ATF7IP2: variants seen among roughly 807,000 people sequenced by gnomAD.
ATF7IP2 encodes the protein activating transcription factor 7 interacting protein 2, also known as activating transcription factor 7-interacting protein 2.
A neutral mutation model predicts 64.2 loss-of-function variants in ATF7IP2; 42 were observed. The ratio of observed to expected loss-of-function variants is 0.65; its 90% CI spans 0.51 to 0.85. The LOEUF (loss-of-function observed/expected upper bound fraction) is 0.85. Ranked by LOEUF, ATF7IP2 falls within the 40% of genes least tolerant of loss-of-function variation. ATF7IP2 has a pLI of 0.00. For synonymous variants in ATF7IP2, 308 were observed against 272.8 expected, an observed-to-expected ratio of 1.13 and a Z score of -1.27; for missense variants, 933 against 784.2, an observed-to-expected ratio of 1.19 and a Z score of -2.27.
At chr16:10,442,357 ATT>A (rs2048656656) in intron 8 of ATF7IP2, among the ~76,000 whole-genome samples, 1 of 152,136 alleles carries the variant, frequency 6.6e-6, no homozygotes, top group Non-Finnish European at 1.5e-5. Flanking sequence ...GTTCTTCTTG[ATT>A]TTCTAGCAGT....
intron 8 of ATF7IP2, chr16:10,448,681 A>T (rs2048889307): frequency 6.6e-6 from 1 of 152,152 alleles, no homozygotes; most frequent in African/African-American, 2.4e-5. Context: ...GGTTTTCTAA[A>T]TATTATTTAG....
chr16:10,396,337 A>G (rs906600364), intron 1 of ATF7IP2, among the ~76,000 whole-genome samples: 4 of 152,126 alleles, frequency 2.6e-5, no homozygotes, highest in African/African-American at 4.8e-5. Context: ...TTGGCTCTTC[A>G]TTCTGTTGAT....
intron 1 of ATF7IP2, among the ~76,000 whole-genome samples, chr16:10,391,927 A>G (rs1201826146): frequency 6.6e-6 from 1 of 152,052 alleles, no homozygotes; most frequent in Non-Finnish European, 1.5e-5. Context: ...GGACAGCACT[A>G]CAGGTATTAC....
At chr16:10,389,546 C>G (rs181742909) in intron 1 of ATF7IP2, among the ~76,000 whole-genome samples, 1 of 151,998 alleles carries the variant, frequency 6.6e-6, no homozygotes, top group African/African-American at 2.4e-5. Flanking sequence ...TCCAACCCAC[C>G]TCCAAAAAAA....
chr16:10,463,554 T>C (rs2049444486), intron 9 of ATF7IP2, among the ~76,000 whole-genome samples: 1 of 152,174 alleles, frequency 6.6e-6, no homozygotes, highest in Admixed American at 6.5e-5. Flanking sequence ...ATCCTGCTAA[T>C]AGCTATGTGA....
intron 8 of ATF7IP2, among the ~76,000 whole-genome samples, chr16:10,450,924 A>G (rs2048964404): frequency 6.6e-6 from 1 of 152,110 alleles, no homozygotes; most frequent in South Asian, 2.1e-4. Flanking sequence ...GGTCTTTACA[A>G]TTTGGTATGT....
intron 8 of ATF7IP2, chr16:10,446,836 A>T (rs2048821728): frequency 6.6e-6 from 1 of 151,836 alleles, no homozygotes; most frequent in African/African-American, 2.4e-5. Context: ...CCCCTATTGG[A>T]AGTTTCTTGC....
intron 2 of ATF7IP2, among the ~76,000 whole-genome samples, chr16:10,416,426 G>A (rs1360982087): frequency 6.6e-6 from 1 of 152,178 alleles, no homozygotes; most frequent in Non-Finnish European, 1.5e-5. Context: ...GAGAATAGAA[G>A]GATGGTTACC....
chr16:10,479,214 CG>C (rs1458009639), intron 12 of ATF7IP2, among the ~76,000 whole-genome samples: 1 of 147,582 alleles, frequency 6.8e-6, no homozygotes, highest in East Asian at 2.0e-4. Context: ...ATGTTTATTG[CG>C]GCACTATTCA....
chr16:10,465,686 C>T (rs1356302433), intron 9 of ATF7IP2, among the ~76,000 whole-genome samples: 1 of 148,784 alleles, frequency 6.7e-6, no homozygotes, highest in Non-Finnish European at 1.5e-5. Flanking sequence ...TTGGCGTCAT[C>T]CGAGATTGCA....
chr16:10,405,732 C>G (rs989413923), intron 1 of ATF7IP2, among the ~76,000 whole-genome samples: 3 of 152,314 alleles, frequency 2.0e-5, no homozygotes, highest in South Asian at 4.1e-4. Flanking sequence ...ACAATTACCC[C>G]AGCCTGTAAG....
intron 9 of ATF7IP2, among the ~76,000 whole-genome samples, chr16:10,463,519 T>C (rs1456709479): frequency 6.6e-6 from 1 of 152,202 alleles, no homozygotes; most frequent in Non-Finnish European, 1.5e-5. Context: ...TCAAGCAATC[T>C]ATGCAGAGCT....
At chr16:10,410,116 G>T (rs73514835) in intron 1 of ATF7IP2, among the ~76,000 whole-genome samples, 2,201 of 152,234 alleles carry the variant, frequency 0.014, 52 homozygotes, top group African/African-American at 0.05. Context: ...GAAGAAGATG[G>T]TGGTATTTTG....
At chr16:10,392,264 A>G (rs1234072163) in intron 1 of ATF7IP2, among the ~76,000 whole-genome samples, 1 of 151,366 alleles carries the variant, frequency 6.6e-6, no homozygotes, top group Admixed American at 6.6e-5. Context: ...GTCTTGAACT[A>G]CTGACCTCAG....
chr16:10,457,828 G>C (rs746995478), intron 9 of ATF7IP2, among the ~76,000 whole-genome samples: 1 of 152,060 alleles, frequency 6.6e-6, no homozygotes. Context: ...TTCCACCTCA[G>C]CCTCCCAAGT....
chr16:10,392,426 A>C (rs987301934), intron 1 of ATF7IP2, among the ~76,000 whole-genome samples: 3 of 150,804 alleles, frequency 2.0e-5, no homozygotes, highest in Non-Finnish European at 2.9e-5. Flanking sequence ...CCAGAGTGCT[A>C]GGATTACAGG....
chr16:10,444,205 C>G (rs184800086), intron 8 of ATF7IP2, among the ~76,000 whole-genome samples: 24 of 152,110 alleles, frequency 1.6e-4, no homozygotes, highest in African/African-American at 2.9e-4. Flanking sequence ...GGGTAGCTAA[C>G]GAAAGAAAGA....
intron 1 of ATF7IP2, among the ~76,000 whole-genome samples, chr16:10,402,956 C>T (rs1331192927): frequency 6.6e-6 from 1 of 151,612 alleles, no homozygotes; most frequent in African/African-American, 2.4e-5. Flanking sequence ...AATGGTCTGA[C>T]TTGGAGAATG....
Position 10,479,659 on chromosome 16 carries a change from A to T in ATF7IP2, c.1550-1220A>T, listed in dbSNP as rs79379871. Among the ~76,000 whole-genome samples the T allele has an allele frequency of 4.1e-3, 602 of 146,570 alleles. 6 individuals carry two copies. Among genetic ancestry groups the T allele is most frequent in the Non-Finnish European group, 5.6e-3 (367 of 65,904 alleles). On this transcript the variant is annotated intron_variant, in intron 12 of 13. Transcript: ENST00000562102. The stretch of plus-strand genomic sequence containing the variant: ...TAAAACTTAAAGTATAATAATAATT[A>T]AAAAAAAAAAGTGGGCAAAGGACAT...
Sources: allele counts gnomAD v4.1 joint callset (sites outside exome capture counted in the v4.1 genomes callset), GRCh38; gene constraint gnomAD v4.1.1; transcripts MANE v1.5; gene names NCBI Gene and HGNC (gene_info 2026-07-23, HGNC 2026-07-21).